C2CD2: variants seen among roughly 807,000 people sequenced by gnomAD.
The protein encoded by C2CD2 is C2 calcium dependent domain containing 2, also known as C2 domain-containing protein 2.
C2CD2 carries 43 observed loss-of-function variants against 74.3 expected under a neutral mutation model. The ratio of observed to expected loss-of-function variants is 0.58; its 90% CI spans 0.45 to 0.75. C2CD2 has a LOEUF of 0.75. Ranked by LOEUF, C2CD2 falls within the 30% of genes least tolerant of loss-of-function variation. The pLI is 0.00. For missense variants in C2CD2, 801 were observed against 916.3 expected (o/e 0.87, Z 1.63); for synonymous variants, 422 against 390.7 (o/e 1.08, Z -0.94).
chr21:41,952,226 T>C (rs1213213087), intron 1 of C2CD2, among the ~76,000 whole-genome samples: 1 of 152,258 alleles, frequency 6.6e-6, no homozygotes, highest in Non-Finnish European at 1.5e-5. Context: ...TCATTTATGT[T>C]CTTTTTCAAG....
intron 1 of C2CD2, among the ~76,000 whole-genome samples, chr21:41,947,658 GA>G (rs1285845969): frequency 6.6e-6 from 1 of 152,184 alleles, no homozygotes; most frequent in Non-Finnish European, 1.5e-5. Context: ...AGACTTTAAA[GA>G]GAGCAGCCCA....
intron 5 of C2CD2, among the ~76,000 whole-genome samples, chr21:41,916,385 G>A (rs1022496861): frequency 2.7e-4 from 41 of 151,824 alleles, no homozygotes; most frequent in African/African-American, 1.2e-4. Flanking sequence ...CATCCAGTCC[G>A]TTGGAGGCGC....
chr21:41,911,949 G>A (rs968163518), intron 7 of C2CD2, among the ~76,000 whole-genome samples: 5 of 152,108 alleles, frequency 3.3e-5, no homozygotes, highest in Admixed American at 6.5e-5. Flanking sequence ...CGATTCTCCC[G>A]TCTCTGCCAC....
At chr21:41,889,539 TGAAAAG>T (rs1243414451) in intron 13 of C2CD2, among the ~76,000 whole-genome samples, 195 bp from the exon 14 acceptor site, 1 of 152,118 alleles carries the variant, frequency 6.6e-6, no homozygotes, top group Non-Finnish European at 1.5e-5. Flanking sequence ...GTTTTCAAGA[TGAAAAG>T]GAAACGAGAT....
chr21:41,901,577 T>C, intron 12 of C2CD2, 45 bp downstream of exon 12: 1 of 1,601,190 alleles, frequency 6.2e-7, no homozygotes, highest in Non-Finnish European at 8.6e-7. Context: ...AGCAGGTCAC[T>C]GACAGATGAC....
chr21:41,927,540 G>C (rs529960545), intron 2 of C2CD2, among the ~76,000 whole-genome samples: 1 of 151,966 alleles, frequency 6.6e-6, no homozygotes, highest in Admixed American at 6.5e-5. Context: ...GCAGGATCTC[G>C]GCTCACCAAA....
At chr21:41,915,420 G>A (rs2065078186) in intron 5 of C2CD2, among the ~76,000 whole-genome samples, 1 of 151,788 alleles carries the variant, frequency 6.6e-6, no homozygotes, top group Non-Finnish European at 1.5e-5. Flanking sequence ...GGTTCCACCT[G>A]TCACTCACTG....
At chr21:41,901,362 T>C (rs2146150723) in intron 12 of C2CD2, 2 of 535,284 alleles carry the variant, frequency 3.7e-6, no homozygotes, top group South Asian at 2.1e-5. Context: ...ATAATTTTTC[T>C]TGAAATGATT....
chr21:41,920,216 C>T (rs765722850), intron 3 of C2CD2, among the ~76,000 whole-genome samples: 13 of 152,314 alleles, frequency 8.5e-5, no homozygotes, highest in East Asian at 1.9e-4. Flanking sequence ...TGGGCCTGGC[C>T]GGACACCTGG....
rs547597857 is a variant in C2CD2, at chr21:41,903,982, C to T, written c.1432+1742G>A. Among the ~76,000 whole-genome samples the T allele has an allele frequency of 6.6e-6, 1 of 152,264 alleles. No individual in the cohort carries two copies. Among genetic ancestry groups the T allele is most frequent in the African/African-American group, 2.4e-5 (1 of 41,552 alleles). On this transcript the variant is annotated intron_variant, in intron 11 of 13. Transcript: ENST00000380486. This position sits in a 1 kb window ranked among gnomAD's most constrained non-coding sequence, Gnocchi z 4.5. ...AGAGCGGCTCCAGCTCAAATAAGGG[C>T]TGGGCAAAATGAGGCTGGGATCCCC...
chr21:41,948,600 C>T (rs1439225254), intron 1 of C2CD2, among the ~76,000 whole-genome samples: 2 of 152,278 alleles, frequency 1.3e-5, no homozygotes, highest in East Asian at 3.9e-4. Flanking sequence ...GGGTTCACAG[C>T]CCCAAAGAGG....
At chr21:41,915,506 A>C (rs1174675442) in intron 5 of C2CD2, among the ~76,000 whole-genome samples, 1 of 150,696 alleles carries the variant, frequency 6.6e-6, no homozygotes, top group African/African-American at 2.4e-5. Flanking sequence ...GTGCGATCTC[A>C]GTTCACTGCA....
intron 7 of C2CD2, among the ~76,000 whole-genome samples, chr21:41,911,066 G>A (rs2065020330): frequency 6.6e-6 from 1 of 152,050 alleles, no homozygotes; most frequent in Non-Finnish European, 1.5e-5. Context: ...CATTTATAGT[G>A]ATTTTTAAAA....
In C2CD2 at chr21:41,923,077, C is replaced by G. The variant is rs1039885619; in HGVS notation, c.379-992G>C. On this transcript the variant is annotated intron_variant, in intron 2 of 13. Transcript: ENST00000380486. This position sits in a 1 kb window ranked among gnomAD's most constrained non-coding sequence, Gnocchi z 5.8. ...GTGGCACAATCTTAGCTCACTGCAA[C>G]CTCCGCCTCCCGGGTTCACACGATT... 4.6e-5 allele frequency among the ~76,000 whole-genome samples: 7 copies of G among 151,960 alleles called. No individual in the cohort carries two copies. Among genetic ancestry groups the G allele is most frequent in the African/African-American group, 1.7e-4 (7 of 41,440 alleles).
chr21:41,917,139 G>A (rs532797060), intron 5 of C2CD2, among the ~76,000 whole-genome samples: 1 of 152,274 alleles, frequency 6.6e-6, no homozygotes, highest in South Asian at 2.1e-4. Context: ...GCTTCGGGAG[G>A]GTGATGGTGC....
chr21:41,930,711 CA>C (rs200200446), intron 2 of C2CD2, among the ~76,000 whole-genome samples: 61 of 130,308 alleles, frequency 4.7e-4, no homozygotes, highest in Admixed American at 5.3e-4. Context: ...CAAAACAAAA[CA>C]AAAAAAAAAA....
chr21:41,886,073 G>C lies in C2CD2; in HGVS notation c.*3051C>G, dbSNP rs564380485. 6.6e-6 allele frequency: 1 copy of C among 152,280 alleles called. No homozygotes were observed. The highest frequency in any genetic ancestry group is 2.1e-4 in the South Asian group (1 of 4,824). 9.4% of individuals were successfully genotyped at this position (152,280 alleles called of 1,614,324 possible). On this transcript the variant is annotated 3_prime_UTR_variant, in exon 14 of 14. Transcript: ENST00000380486. ...AAGCTCCATTTCACTCCTCCACAAA[G>C]AACAGAGGCACCTCCTTAAACAAAG...
Position 41,914,613 on chromosome 21 carries a change from C to A in C2CD2, c.829G>T (p.Glu277Ter). ...VRNIHVLLLS[E>*]PGASGHINAV... ...CGTCACCCACCTGAGGCACCGGGCT[C>A]GCTGAGCAGCAAGACGTGGATGTTC... The change falls in exon 6 of 14, where the codon GAG (glutamate) becomes TAG (stop). Residue 277 changes from glutamate (E) to a stop codon, truncating the protein, a stop_gained. Transcript: ENST00000380486. LOFTEE classifies it high-confidence loss of function. 6.2e-7 allele frequency: 1 copy of A among 1,613,698 alleles called. No individual in the cohort carries two copies. Among genetic ancestry groups the A allele is most frequent in the Non-Finnish European group, 8.5e-7 (1 of 1,179,764 alleles).
chr21:41,893,233 G>T (rs1228059651), intron 13 of C2CD2, among the ~76,000 whole-genome samples: 1 of 152,204 alleles, frequency 6.6e-6, no homozygotes, highest in Admixed American at 6.5e-5. Context: ...TTATGCAAGT[G>T]AAATTGTACT....
Sources: gnomAD v4.1 joint callset for allele counts (sites outside exome capture counted in the v4.1 genomes callset) on GRCh38, gnomAD v4.1.1 for gene constraint, Gnocchi (gnomAD v3.1) non-coding constraint, MANE v1.5 for transcripts, NCBI Gene and HGNC (gene_info 2026-07-23, HGNC 2026-07-21) for gene names.